RAB3GAP1: variants seen among roughly 807,000 people sequenced by gnomAD.
The protein encoded by RAB3GAP1 is rab3 GTPase-activating protein catalytic subunit.
Under a neutral mutation model 130.7 loss-of-function variants are expected in RAB3GAP1, and 86 were observed. The ratio of observed to expected loss-of-function variants is 0.66; its 90% CI spans 0.55 to 0.79. The LOEUF is 0.79. Among genes scored for constraint, RAB3GAP1 ranks in the 30% least tolerant of loss-of-function variants. RAB3GAP1 has a pLI of 0.00. For missense variants in RAB3GAP1, 1,029 were observed against 1,169.4 expected (o/e 0.88, Z 1.75); for synonymous variants, 367 against 401.7 (o/e 0.91, Z 1.03).
At chr2:135,166,707 A>G (rs996588521) in intron 23 of RAB3GAP1, among the ~76,000 whole-genome samples, 1 of 152,186 alleles carries the variant, frequency 6.6e-6, no homozygotes. Context: ...TTGATGATTT[A>G]ACATCTAGTA....
At chr2:135,103,949 A>G (rs899035594) in intron 5 of RAB3GAP1, among the ~76,000 whole-genome samples, 1 of 152,180 alleles carries the variant, frequency 6.6e-6, no homozygotes, top group Non-Finnish European at 1.5e-5. Flanking sequence ...AAAACTACAT[A>G]TATGCAGGAG....
chr2:135,057,810 GA>G (rs1428414161), intron 2 of RAB3GAP1, among the ~76,000 whole-genome samples, 200 bp from the exon 3 acceptor site: 1 of 152,134 alleles, frequency 6.6e-6, no homozygotes, highest in African/African-American at 2.4e-5. Context: ...AGATATAAAT[GA>G]ATCAAAACCT....
At chr2:135,099,459 G>GTA (rs1553442717) in intron 5 of RAB3GAP1, among the ~76,000 whole-genome samples, 2 of 145,770 alleles carry the variant, frequency 1.4e-5, no homozygotes, top group African/African-American at 5.4e-5. Flanking sequence ...GTGTGTGTGT[G>GTA]TGTGTGTATG....
At chr2:135,172,970 A>G (rs35126495), downstream of RAB3GAP1, among the ~76,000 whole-genome samples, 9,609 of 152,156 alleles carry the variant, frequency 0.063, 570 homozygotes, top group African/African-American at 0.16. Context: ...AGAGGCCCAC[A>G]TGGTGCGGAA....
At chr2:135,139,617 A>C (rs1403086191) in intron 17 of RAB3GAP1, among the ~76,000 whole-genome samples, 1 of 152,054 alleles carries the variant, frequency 6.6e-6, no homozygotes, top group Admixed American at 6.6e-5. Flanking sequence ...ATATTGATAC[A>C]TGCATATAAC....
chr2:135,147,042 C>T (rs1692017167), intron 17 of RAB3GAP1, among the ~76,000 whole-genome samples: 1 of 151,834 alleles, frequency 6.6e-6, no homozygotes, highest in African/African-American at 2.4e-5. Context: ...TATGTTGATT[C>T]TACTTCTAAA....
intron 3 of RAB3GAP1, among the ~76,000 whole-genome samples, chr2:135,076,649 T>C (rs1689642785): frequency 6.6e-6 from 1 of 152,354 alleles, no homozygotes; most frequent in East Asian, 1.9e-4. Flanking sequence ...AGTTTATATA[T>C]ATTTTTACTG....
intron 5 of RAB3GAP1, among the ~76,000 whole-genome samples, chr2:135,110,118 A>G (rs1253249478): frequency 6.6e-6 from 1 of 152,022 alleles, no homozygotes; most frequent in Non-Finnish European, 1.5e-5. Context: ...ACATTTATCA[A>G]GAGTGATATT....
intron 12 of RAB3GAP1, 84 bp from the exon 13 acceptor site, chr2:135,130,468 T>G: frequency 8.7e-7 from 1 of 1,148,628 alleles, no homozygotes. Context: ...GAGTAAAATA[T>G]TCTATATAAT....
chr2:135,117,687 T>TCTTCTGCTTCTGCTG (rs1558784650), intron 7 of RAB3GAP1, among the ~76,000 whole-genome samples: 1 of 112,486 alleles, frequency 8.9e-6, no homozygotes, highest in African/African-American at 4.1e-5. Flanking sequence ...TGCTTCTGCT[T>TCTTCTGCTTCTGCTG]CTTCTTCTGC....
chr2:135,117,832 TTTC>T lies in RAB3GAP1; in HGVS notation c.648+2463_648+2465del, dbSNP rs745751779. 6.0e-5 allele frequency among the ~76,000 whole-genome samples: 9 copies of T among 148,832 alleles called. No homozygotes were observed. The South Asian group carries it at 6.4e-4, about 11-fold the overall frequency. ...TCTTTCTTCTTCTTTCTTCTTCTTC[TTTC>T]TTCTTCTTCTTTCTTCTTCTTCTTC... On this transcript the variant is annotated intron_variant, in intron 7 of 23. Transcript: ENST00000264158.
intron 7 of RAB3GAP1, among the ~76,000 whole-genome samples, chr2:135,118,204 T>C (rs1691086560): frequency 6.6e-6 from 1 of 152,080 alleles, no homozygotes; most frequent in Non-Finnish European, 1.5e-5. Context: ...TTATGTCACA[T>C]CTCTTTTTTG....
At chr2:135,082,526 C>T (rs1488173728) in intron 3 of RAB3GAP1, among the ~76,000 whole-genome samples, 2 of 150,992 alleles carry the variant, frequency 1.3e-5, no homozygotes, top group Non-Finnish European at 2.9e-5. Context: ...GTGCAACCTT[C>T]GCCTCTTGGT....
intron 19 of RAB3GAP1, 108 bp from the exon 20 acceptor site, chr2:135,162,447 G>A (rs753019573): frequency 1.2e-6 from 1 of 838,260 alleles, no homozygotes; most frequent in African/African-American, 1.7e-5. Flanking sequence ...CTGGAGTGCT[G>A]TCTTGTTAAG....
chr2:135,134,279 A>G (rs1414860181), intron 15 of RAB3GAP1, among the ~76,000 whole-genome samples: 2 of 152,204 alleles, frequency 1.3e-5, no homozygotes, highest in East Asian at 1.9e-4. Context: ...TACAATAGAA[A>G]ATTAGATTGA....
intron 17 of RAB3GAP1, among the ~76,000 whole-genome samples, chr2:135,141,150 A>C (rs1189842795): frequency 6.6e-6 from 1 of 150,428 alleles, no homozygotes; most frequent in African/African-American, 2.4e-5. Context: ...ACTTTATAGG[A>C]ATTCTTCATA....
Position 135,168,791 on chromosome 2 carries a change from CAT to C in RAB3GAP1, c.*11_*12del. ...TACTTCCTTCTTCTGATTCTTCTAG[CAT>C]TACTCGTTGGTGGCTTCAGAGACAG... is the stretch of plus-strand genomic sequence containing the variant. On this transcript the variant is annotated 3_prime_UTR_variant, in exon 24 of 24. Transcript: ENST00000264158. 1 of 1,606,746 alleles carries C rather than the reference CAT, an allele frequency of 6.2e-7. No homozygotes were observed. The highest frequency in any genetic ancestry group is 1.1e-5 in the South Asian group (1 of 90,912).
chr2:135,167,248 G>A (rs1371674683), intron 23 of RAB3GAP1, among the ~76,000 whole-genome samples: 1 of 151,974 alleles, frequency 6.6e-6, no homozygotes, highest in Non-Finnish European at 1.5e-5. Flanking sequence ...CATGATTATA[G>A]GTATCTCTGG....
intron 11 of RAB3GAP1, among the ~76,000 whole-genome samples, chr2:135,129,267 A>G (rs1691449921): frequency 1.3e-5 from 2 of 151,974 alleles, no homozygotes; most frequent in African/African-American, 4.8e-5. Context: ...CCTGGCTAAC[A>G]CAGTGAAACC....
Sources: allele counts gnomAD v4.1 joint callset (sites outside exome capture counted in the v4.1 genomes callset), GRCh38; gene constraint gnomAD v4.1.1; transcripts MANE v1.5; gene names NCBI Gene and HGNC (gene_info 2026-07-23, HGNC 2026-07-21).